RERE: variants seen among roughly 807,000 people sequenced by gnomAD.
The protein encoded by RERE is arginine-glutamic acid dipeptide repeats, also known as arginine-glutamic acid dipeptide repeats protein.
Under a neutral mutation model 146.1 loss-of-function variants are expected in RERE, and 40 were observed. The observed-to-expected ratio is 0.27, with a 90% CI of 0.21 to 0.36. The LOEUF is 0.36. Ranked by LOEUF, RERE falls within the 10% of genes least tolerant of loss-of-function variation. The pLI, the probability that RERE is intolerant of heterozygous loss-of-function variation, is 1.00. For synonymous variants in RERE, 1,003 were observed against 866.0 expected, an observed-to-expected ratio of 1.16 and a Z score of -2.78; for missense variants, 1,933 against 2,138.7, an observed-to-expected ratio of 0.90 and a Z score of 1.90.
chr1:8,726,147 CTTTTTTTTTTT>C (rs70985511), intron 1 of RERE, among the ~76,000 whole-genome samples: 9 of 69,404 alleles, frequency 1.3e-4, no homozygotes, highest in Admixed American at 1.0e-3. Flanking sequence ...TTTTTCTTTT[CTTTTTTTTTTT>C]TTTTTTTTTT....
At chr1:8,409,003 C>A (rs1643537429) in intron 12 of RERE, among the ~76,000 whole-genome samples, 1 of 152,196 alleles carries the variant, frequency 6.6e-6, no homozygotes, top group Non-Finnish European at 1.5e-5. Flanking sequence ...ATTTCTTCTA[C>A]ATTTATTCCT....
chr1:8,701,270 G>C (rs1032595765), intron 1 of RERE, among the ~76,000 whole-genome samples: 4 of 148,004 alleles, frequency 2.7e-5, no homozygotes. Context: ...AAGGCACCGG[G>C]ATGGGGGTGA....
intron 12 of RERE, among the ~76,000 whole-genome samples, chr1:8,366,907 A>G: frequency 1.0e-5 from 1 of 96,258 alleles, no homozygotes; most frequent in Non-Finnish European, 2.0e-5. Context: ...TAGAACTGAA[A>G]AAAAAAAACA....
intron 1 of RERE, among the ~76,000 whole-genome samples, chr1:8,673,496 A>C (rs1638767533): frequency 6.6e-6 from 1 of 152,188 alleles, no homozygotes; most frequent in South Asian, 2.1e-4. Flanking sequence ...ATATTCTCTA[A>C]TAAAAATTCA....
At chr1:8,472,375 A>G (rs750440618) in intron 10 of RERE, among the ~76,000 whole-genome samples, 3 of 152,224 alleles carry the variant, frequency 2.0e-5, no homozygotes, top group Non-Finnish European at 4.4e-5. Context: ...GTCTATAGTC[A>G]GGAAATTTAA....
At chr1:8,777,737 G>T (rs1035176674) in intron 1 of RERE, among the ~76,000 whole-genome samples, 1 of 151,640 alleles carries the variant, frequency 6.6e-6, no homozygotes. Flanking sequence ...TGGTTTCACC[G>T]CATTAGCCAG....
intron 1 of RERE, among the ~76,000 whole-genome samples, chr1:8,695,804 T>C (rs1639317761): frequency 6.6e-6 from 1 of 151,670 alleles, no homozygotes; most frequent in Admixed American, 6.6e-5. Context: ...ACCTACAAAA[T>C]AGCAGAAAAT....
intron 4 of RERE, among the ~76,000 whole-genome samples, chr1:8,595,489 AATGTATTTATTTTT>A (rs987586034): frequency 6.6e-6 from 1 of 151,392 alleles, no homozygotes; most frequent in Non-Finnish European, 1.5e-5. Flanking sequence ...GTATTATTTT[AATGTATTTATTTTT>A]ATGTATTTAT....
At chr1:8,590,954 T>C (rs1175185596) in intron 4 of RERE, 1 of 152,232 alleles carries the variant, frequency 6.6e-6, no homozygotes, top group African/African-American at 2.4e-5. Context: ...GTCTGCAAAC[T>C]ATCCCGACTG....
chr1:8,797,844 T>C (rs898707031), intron 1 of RERE, among the ~76,000 whole-genome samples: 4 of 152,186 alleles, frequency 2.6e-5, no homozygotes, highest in African/African-American at 9.7e-5. Flanking sequence ...ACAGGAAAAG[T>C]TGTACTTTCT....
intron 4 of RERE, among the ~76,000 whole-genome samples, chr1:8,585,991 T>C (rs572323791): frequency 2.0e-5 from 3 of 152,326 alleles, no homozygotes; most frequent in Admixed American, 2.0e-4. Flanking sequence ...ACCTGTAATC[T>C]TGCCCAAATG....
intron 3 of RERE, among the ~76,000 whole-genome samples, chr1:8,623,932 T>C (rs1160838135): frequency 1.3e-5 from 2 of 152,226 alleles, no homozygotes; most frequent in Non-Finnish European, 2.9e-5. Context: ...CTGGAAACTA[T>C]TCTCTGACCC....
At chr1:8,408,082 G>C (rs1166762313) in intron 12 of RERE, among the ~76,000 whole-genome samples, 1 of 152,160 alleles carries the variant, frequency 6.6e-6, no homozygotes, top group East Asian at 1.9e-4. Context: ...TGCAAACACA[G>C]AGGGAGAACA....
Position 8,360,544 on chromosome 1 carries a change from A to C in RERE, c.2963T>G (p.Leu988Arg). 1.6e-6 allele frequency: 1 copy of C among 628,186 alleles called. No homozygotes were observed. The highest frequency in any genetic ancestry group is 2.0e-6 in the Non-Finnish European group (1 of 499,466). The allele number at this position is 628,186 out of a possible 1,614,324, so 38.9% of individuals were successfully genotyped here. The change falls in exon 18 of 23, where the codon CTG becomes CGG. Residue 988 changes from leucine (L) to arginine (R), a missense_variant. Leu to Arg is a moderately radical substitution (Grantham distance 102). Transcript: ENST00000400908. ...TGGCTGGCTCTGAGGCATGAGTTGC[A>C]GGGGTGGGGGGTGAGCCGACGGGGG... ...HHPPSAHPPP[L>R]QLMPQSQPLP...
At chr1:8,409,613 G>C (rs1570169249) in intron 12 of RERE, among the ~76,000 whole-genome samples, 1 of 152,190 alleles carries the variant, frequency 6.6e-6, no homozygotes, top group African/African-American at 2.4e-5. Context: ...GGGCAAAATG[G>C]AGAACTCTGT....
chr1:8,431,704 T>G (rs1173787633), intron 11 of RERE, among the ~76,000 whole-genome samples: 1 of 152,160 alleles, frequency 6.6e-6, no homozygotes, highest in East Asian at 1.9e-4. Context: ...AATGTTTCCT[T>G]TCTTCAATAA....
chr1:8,498,728 T>TACACAC (rs1216791448), intron 8 of RERE, among the ~76,000 whole-genome samples: 43 of 11,408 alleles, frequency 3.8e-3, no homozygotes, highest in African/African-American at 0.01. Context: ...AAAAAATAAA[T>TACACAC]ATATACACAC....
At chr1:8,471,763 C>T (rs1644689450) in intron 10 of RERE, among the ~76,000 whole-genome samples, 1 of 152,136 alleles carries the variant, frequency 6.6e-6, no homozygotes, top group African/African-American at 2.4e-5. Flanking sequence ...CTCTTCCTGT[C>T]TAGACCTCCT....
chr1:8,484,707 G>A (rs954328575), intron 10 of RERE, among the ~76,000 whole-genome samples: 2 of 152,182 alleles, frequency 1.3e-5, no homozygotes, highest in African/African-American at 4.8e-5. Flanking sequence ...ACAGGTGTGA[G>A]CCACTGTGCC....
Sources: allele counts gnomAD v4.1 joint callset (sites outside exome capture counted in the v4.1 genomes callset), GRCh38; gene constraint gnomAD v4.1.1; transcripts MANE v1.5; gene names NCBI Gene and HGNC (gene_info 2026-07-23, HGNC 2026-07-21).